Variants in ERICH5 observed in about 807,000 individuals in gnomAD.
ERICH5 encodes the protein glutamate rich 5, also known as glutamate-rich protein 5.
ERICH5 carries 24 observed loss-of-function variants against 28.0 expected under a neutral mutation model. That is an observed-to-expected ratio of 0.86 (90% CI 0.62 to 1.21). The LOEUF (loss-of-function observed/expected upper bound fraction) is 1.21, where lower values mean the gene tolerates loss of function less well. Ranked by LOEUF, ERICH5 falls within the 50% of genes most tolerant of loss-of-function variation. The pLI, the probability that ERICH5 is intolerant of heterozygous loss-of-function variation, is 0.00. For synonymous variants in ERICH5, 163 were observed against 157.6 expected, an observed-to-expected ratio of 1.03 and a Z score of -0.25; for missense variants, 421 against 441.2, an observed-to-expected ratio of 0.95 and a Z score of 0.41.
chr8:98,069,662 A>C (rs762834962), intron 1 of ERICH5, among the ~76,000 whole-genome samples: 1 of 152,196 alleles, frequency 6.6e-6, no homozygotes, highest in Non-Finnish European at 1.5e-5. Context: ...CAAGACTGCC[A>C]TGAATTCCTT....
intron 1 of ERICH5, among the ~76,000 whole-genome samples, chr8:98,083,617 C>A (rs555720262): frequency 6.6e-6 from 1 of 152,162 alleles, no homozygotes; most frequent in African/African-American, 2.4e-5. Context: ...CACACACACA[C>A]ACACCACTAC....
intron 1 of ERICH5, among the ~76,000 whole-genome samples, chr8:98,082,501 C>T (rs1417293218): frequency 1.3e-5 from 2 of 152,016 alleles, no homozygotes; most frequent in Non-Finnish European, 2.9e-5. Flanking sequence ...CAAAATTAGC[C>T]AGGTGTGGTG....
intron 1 of ERICH5, among the ~76,000 whole-genome samples, chr8:98,069,885 C>G (rs775586017): frequency 6.6e-6 from 1 of 152,176 alleles, no homozygotes; most frequent in Non-Finnish European, 1.5e-5. Context: ...GCAGCCACAT[C>G]GAAACATACA....
intron 1 of ERICH5, among the ~76,000 whole-genome samples, chr8:98,085,223 C>A (rs555299233): frequency 7.6e-6 from 1 of 132,134 alleles, no homozygotes; most frequent in South Asian, 2.5e-4. Flanking sequence ...TGCAGTGACG[C>A]GATCTCGGCT....
intron 1 of ERICH5, among the ~76,000 whole-genome samples, chr8:98,071,675 T>C (rs1475488286): frequency 6.6e-6 from 1 of 151,898 alleles, no homozygotes; most frequent in Non-Finnish European, 1.5e-5. Flanking sequence ...TGCCAGACTA[T>C]AGCTCTCCAG....
At chr8:98,081,223 G>A (rs1035508910) in intron 1 of ERICH5, among the ~76,000 whole-genome samples, 3 of 151,332 alleles carry the variant, frequency 2.0e-5, no homozygotes, top group East Asian at 1.9e-4. Flanking sequence ...CTCCCATCTC[G>A]GCCTCCTGAG....
chr8:98,093,261 G>A lies in ERICH5; in HGVS notation c.1053G>A (p.Glu351=). The A allele has an allele frequency of 6.2e-7, 1 of 1,614,042 alleles. No homozygotes were observed. Among genetic ancestry groups the A allele is most frequent in the Non-Finnish European group, 8.5e-7 (1 of 1,179,962 alleles). The change falls in exon 3 of 3, where the codon GAG becomes GAA. Residue 351 remains glutamate, a synonymous_variant. Coordinates refer to ENST00000318528, the MANE Select transcript of ERICH5 (RefSeq NM_173549.3). ...AGGTGGAAACAGACATGGAGAATGA[G>A]AAAGTGAGTGAAGGGGCTGAAACCA... is the stretch of plus-strand genomic sequence containing the variant. ...GEKVETDMEN[E]KVSEGAETKE...
In ERICH5 at chr8:98,089,575, G is replaced by A. The variant is rs1042874221; in HGVS notation, c.558G>A (p.Lys186=). 6.2e-7 allele frequency: 1 copy of A among 1,614,218 alleles called. No homozygotes were observed. Among genetic ancestry groups the A allele is most frequent in the South Asian group, 1.1e-5 (1 of 91,088 alleles). ...ATCCACAAACTGCTGCAGAGATGAA[G>A]CCTCTAGGAACAACTGAGAACGTTC... The part of the protein sequence containing the change: ...TENPQTAAEM[K]PLGTTENVLT... Residue 186 remains lysine, a synonymous_variant, in exon 2 of 3, where the codon AAG becomes AAA. Transcript: ENST00000318528.
chr8:98,086,775 C>A (rs1435984318), intron 1 of ERICH5, among the ~76,000 whole-genome samples: 1 of 151,788 alleles, frequency 6.6e-6, no homozygotes. Flanking sequence ...ATGGTGAAAC[C>A]CCATCTCTAC....
chr8:98,064,789 G>C, intron 1 of ERICH5, 62 bp downstream of exon 1: 4 of 1,428,910 alleles, frequency 2.8e-6, no homozygotes, highest in Non-Finnish European at 3.8e-6. Context: ...TAACTCCCCA[G>C]GAGGTCCAAA....
chr8:98,087,866 A>C (rs2130531671), intron 1 of ERICH5, among the ~76,000 whole-genome samples: 1 of 152,252 alleles, frequency 6.6e-6, no homozygotes, highest in African/African-American at 2.4e-5. Flanking sequence ...ACACCATGGA[A>C]TATTTATGTG....
chr8:98,078,506 C>G (rs1475687965), intron 1 of ERICH5, among the ~76,000 whole-genome samples: 1 of 152,220 alleles, frequency 6.6e-6, no homozygotes, highest in African/African-American at 2.4e-5. Flanking sequence ...GAAATATTGA[C>G]AAGATTTTCT....
At chr8:98,073,614 C>T (rs1189786874) in intron 1 of ERICH5, among the ~76,000 whole-genome samples, 1 of 142,920 alleles carries the variant, frequency 7.0e-6, no homozygotes, top group African/African-American at 2.6e-5. Context: ...GTGATCTTGG[C>T]TTACTGCAAC....
intron 2 of ERICH5, among the ~76,000 whole-genome samples, chr8:98,091,886 TTCTTTCTTTCTTTCC>T (rs1815400389): frequency 1.1e-5 from 1 of 92,720 alleles, no homozygotes; most frequent in African/African-American, 4.2e-5. Context: ...CTTTCTTTCT[TTCTTTCTTTCTTTCC>T]TTTCTTTCTT....
intron 1 of ERICH5, among the ~76,000 whole-genome samples, chr8:98,079,706 T>C (rs1815138272): frequency 6.6e-6 from 1 of 151,998 alleles, no homozygotes; most frequent in Non-Finnish European, 1.5e-5. Context: ...GCCCGGCTAA[T>C]TTTTTGTATT....
intron 1 of ERICH5, among the ~76,000 whole-genome samples, chr8:98,070,550 G>T (rs1814894712): frequency 6.7e-6 from 1 of 148,938 alleles, no homozygotes; most frequent in Non-Finnish European, 1.5e-5. Flanking sequence ...GTATGCTGAT[G>T]CCTGTAATCC....
At chr8:98,068,281 A>G (rs1814853237) in intron 1 of ERICH5, among the ~76,000 whole-genome samples, 2 of 152,164 alleles carry the variant, frequency 1.3e-5, no homozygotes, top group Non-Finnish European at 2.9e-5. Context: ...AATCTCACGG[A>G]GCTGCTTCCT....
intron 1 of ERICH5, among the ~76,000 whole-genome samples, chr8:98,081,676 C>G (rs1021161760): frequency 2.0e-5 from 3 of 152,156 alleles, no homozygotes; most frequent in African/African-American, 4.8e-5. Context: ...GCCTGTAACC[C>G]CAGCACTTTG....
chr8:98,089,917 A>G lies in ERICH5; in HGVS notation c.900A>G (p.Gln300=). The change falls in exon 2 of 3, where the codon CAA becomes CAG. Residue 300 remains glutamine (Q), a synonymous_variant. Transcript: ENST00000318528. The stretch of plus-strand genomic sequence containing the variant: ...GTCCAGGAAACATGGAGCAGATTCA[A>G]CCTGAAGGAATAGTTGGAAGCATGG... ...PEGPGNMEQI[Q]PEGIVGSMEH... is the part of the protein sequence containing the mutation. 1.2e-6 allele frequency: 2 copies of G among 1,614,244 alleles called. No individual in the cohort carries two copies. The highest frequency in any genetic ancestry group is 1.7e-6 in the Non-Finnish European group (2 of 1,180,036).
Sources: gnomAD v4.1 joint callset for allele counts (sites outside exome capture counted in the v4.1 genomes callset) on GRCh38, gnomAD v4.1.1 for gene constraint, MANE v1.5 for transcripts, NCBI Gene and HGNC (gene_info 2026-07-23, HGNC 2026-07-21) for gene names.